Variants in QTMAN observed in about 807,000 individuals in gnomAD.
QTMAN encodes queuosine-tRNA mannosyltransferase.
At chr2:144,036,197 A>C in the QTMAN span, among the ~76,000 whole-genome samples, 1 of 152,200 alleles carries the variant, frequency 6.6e-6, no homozygotes, top group Non-Finnish European at 1.5e-5. Context: ...CATTATTGTA[A>C]TATTATGTTT....
At chr2:144,165,662 C>CA in the QTMAN span, among the ~76,000 whole-genome samples, 1 of 152,114 alleles carries the variant, frequency 6.6e-6, no homozygotes, top group African/African-American at 2.4e-5. Context: ...AGCTTAAATA[C>CA]AAAAGGCCTA....
the QTMAN span, among the ~76,000 whole-genome samples, chr2:144,018,652 C>A: frequency 1.3e-5 from 2 of 152,130 alleles, no homozygotes; most frequent in East Asian, 1.9e-4. Context: ...ATAAGCAAGG[C>A]TTGAAGGCAA....
chr2:144,276,638 A>G, the QTMAN span, among the ~76,000 whole-genome samples: 1 of 152,248 alleles, frequency 6.6e-6, no homozygotes, highest in Non-Finnish European at 1.5e-5. Context: ...ATAAAAATAT[A>G]TATTGTATGT....
chr2:144,301,686 C>T, the QTMAN span, among the ~76,000 whole-genome samples: 1 of 152,322 alleles, frequency 6.6e-6, no homozygotes, highest in East Asian at 1.9e-4. Flanking sequence ...CCATAAGAGG[C>T]TCTTTTTAAA....
the QTMAN span, among the ~76,000 whole-genome samples, chr2:143,973,417 T>C: frequency 6.6e-6 from 1 of 152,238 alleles, no homozygotes; most frequent in Non-Finnish European, 1.5e-5. Context: ...ATTATAAATA[T>C]ACAAGTTTAT....
chr2:144,291,752 TA>T, the QTMAN span, among the ~76,000 whole-genome samples: 1 of 152,220 alleles, frequency 6.6e-6, no homozygotes, highest in Non-Finnish European at 1.5e-5. Context: ...ACAATTCTCC[TA>T]CCTTAATCTC....
the QTMAN span, among the ~76,000 whole-genome samples, chr2:144,140,907 G>A: frequency 6.6e-6 from 1 of 151,914 alleles, no homozygotes; most frequent in Non-Finnish European, 1.5e-5. Context: ...ATTTTTCTTC[G>A]ATGAAATATT....
At chr2:144,270,808 A>G in the QTMAN span, among the ~76,000 whole-genome samples, 1 of 152,178 alleles carries the variant, frequency 6.6e-6, no homozygotes, top group Non-Finnish European at 1.5e-5. Flanking sequence ...TGTATCCCAG[A>G]ACTTAAAGTA....
chr2:144,326,705 A>G, the QTMAN span, among the ~76,000 whole-genome samples: 1 of 152,138 alleles, frequency 6.6e-6, no homozygotes, highest in South Asian at 2.1e-4. Flanking sequence ...CACTGATAAC[A>G]GAACTTATTG....
chr2:144,093,566 A>G, the QTMAN span, among the ~76,000 whole-genome samples: 1 of 152,258 alleles, frequency 6.6e-6, no homozygotes, highest in Non-Finnish European at 1.5e-5. Flanking sequence ...CCTGTCCTTC[A>G]GAATCCAAAA....
the QTMAN span, among the ~76,000 whole-genome samples, chr2:143,993,937 A>T: frequency 1.3e-5 from 2 of 152,196 alleles, no homozygotes; most frequent in Non-Finnish European, 2.9e-5. Context: ...TTTATTTTAG[A>T]AAATGGCAAG....
the QTMAN span, among the ~76,000 whole-genome samples, chr2:143,977,013 CAG>C: frequency 6.6e-6 from 1 of 152,160 alleles, no homozygotes. Context: ...AATGGGGTAA[CAG>C]TAACTACATT....
the QTMAN span, among the ~76,000 whole-genome samples, chr2:144,012,819 T>C: frequency 2.0e-5 from 3 of 152,242 alleles, no homozygotes; most frequent in East Asian, 5.8e-4. Context: ...AGAGAGAGCG[T>C]GTATAACTGA....
At chr2:144,211,725 T>C in the QTMAN span, 1 of 152,560 alleles carries the variant, frequency 6.6e-6, no homozygotes, top group East Asian at 1.9e-4. Flanking sequence ...AGAAAACTGC[T>C]TGAAACAAAT....
chr2:144,004,748 A>ACAT, the QTMAN span, among the ~76,000 whole-genome samples: 30 of 151,970 alleles, frequency 2.0e-4, 1 homozygote, highest in South Asian at 4.0e-3. Context: ...CTGCAAGATA[A>ACAT]CATCATCATC....
chr2:144,051,597 G>T, the QTMAN span, among the ~76,000 whole-genome samples: 1 of 152,140 alleles, frequency 6.6e-6, no homozygotes, highest in South Asian at 2.1e-4. Flanking sequence ...CATGAGAGTT[G>T]CAAAAGAGAA....
chr2:144,108,465 CTG>C, the QTMAN span, among the ~76,000 whole-genome samples: 87 of 152,166 alleles, frequency 5.7e-4, no homozygotes, highest in East Asian at 0.016. Flanking sequence ...TGGTGAAACC[CTG>C]TCTCTACTAA....
the QTMAN span, among the ~76,000 whole-genome samples, chr2:144,126,510 A>C: frequency 6.6e-6 from 1 of 152,016 alleles, no homozygotes; most frequent in Admixed American, 6.6e-5. Context: ...CAATCACAGT[A>C]TGTATTTGAG....
chr2:144,283,704 A>G, the QTMAN span, among the ~76,000 whole-genome samples: 2 of 152,152 alleles, frequency 1.3e-5, no homozygotes, highest in African/African-American at 4.8e-5. Flanking sequence ...TTTGACAAAC[A>G]TAATATTAAA....
Sources: gnomAD v4.1 joint callset for allele counts (sites outside exome capture counted in the v4.1 genomes callset) on GRCh38, gnomAD v4.1.1 for gene constraint, MANE v1.5 for transcripts, NCBI Gene and HGNC (gene_info 2026-07-23, HGNC 2026-07-21) for gene names.